Variants in GPC5 observed in about 807,000 individuals in gnomAD.
GPC5 encodes the protein glypican-5.
In GPC5, 47 loss-of-function variants were observed where a neutral mutation model predicts 53.9. The observed-to-expected ratio is 0.87, with a 90% confidence interval of 0.69 to 1.11. GPC5 has a LOEUF of 1.11. Ranked by LOEUF, GPC5 falls within the 50% of genes most tolerant of loss-of-function variation. The probability of loss-of-function intolerance (pLI) is 0.00; values close to 1 mark genes in which losing one functional copy is unlikely to be tolerated. For synonymous variants in GPC5, 286 were observed against 263.3 expected (o/e 1.09, Z -0.84); for missense variants, 748 against 713.1 (o/e 1.05, Z -0.56).
intron 6 of GPC5, among the ~76,000 whole-genome samples, chr13:91,916,415 A>G (rs1239171658): frequency 6.6e-6 from 1 of 152,236 alleles, no homozygotes; most frequent in Non-Finnish European, 1.5e-5. Flanking sequence ...TGACTATATA[A>G]ATAAAATGAG....
intron 7 of GPC5, among the ~76,000 whole-genome samples, chr13:92,321,520 C>A (rs553993845): frequency 6.6e-6 from 1 of 152,288 alleles, no homozygotes; most frequent in Admixed American, 6.5e-5. Context: ...AGAAGAATCA[C>A]TTGAACCAGG....
chr13:92,767,966 G>A (rs1179803335), intron 7 of GPC5, among the ~76,000 whole-genome samples: 1 of 152,078 alleles, frequency 6.6e-6, no homozygotes, highest in African/African-American at 2.4e-5. Flanking sequence ...AATTGTGCCT[G>A]ACTAGATTTG....
At chr13:91,750,962 G>A (rs1854019) in intron 4 of GPC5, among the ~76,000 whole-genome samples, 66,908 of 123,554 alleles carry the variant, frequency 0.54, 15,253 homozygotes, top group South Asian at 0.7. Context: ...GCGCCTGGCC[G>A]GTAAGTCTTT....
chr13:91,598,089 T>C (rs1294666128), intron 2 of GPC5, among the ~76,000 whole-genome samples: 3 of 152,182 alleles, frequency 2.0e-5, no homozygotes, highest in Non-Finnish European at 4.4e-5. Flanking sequence ...TTTACATTTC[T>C]GAACTATTTT....
intron 7 of GPC5, among the ~76,000 whole-genome samples, chr13:92,385,723 A>G (rs1398294391): frequency 1.5e-4 from 21 of 144,136 alleles, no homozygotes; most frequent in Admixed American, 9.3e-4. Flanking sequence ...ATATATACAT[A>G]TATACATGTA....
chr13:91,960,902 T>A (rs2040120000), intron 6 of GPC5, among the ~76,000 whole-genome samples: 1 of 151,728 alleles, frequency 6.6e-6, no homozygotes, highest in Admixed American at 6.6e-5. Flanking sequence ...TATACAAAAA[T>A]CAATTTAAGA....
chr13:91,676,963 A>G (rs1690475032), intron 2 of GPC5, among the ~76,000 whole-genome samples: 1 of 152,234 alleles, frequency 6.6e-6, no homozygotes, highest in African/African-American at 2.4e-5. Context: ...ACTTCACTAT[A>G]TATGGATAGG....
intron 7 of GPC5, among the ~76,000 whole-genome samples, chr13:92,236,918 C>T (rs972024448): frequency 5.9e-5 from 9 of 152,014 alleles, no homozygotes; most frequent in African/African-American, 1.9e-4. Flanking sequence ...ATTGACCTTG[C>T]ACTGTTTGGT....
intron 2 of GPC5, among the ~76,000 whole-genome samples, chr13:91,609,156 A>C (rs906540584): frequency 1.3e-5 from 2 of 150,804 alleles, no homozygotes; most frequent in African/African-American, 4.9e-5. Context: ...TGCAAATTCC[A>C]GTTAACAGCA....
chr13:91,591,853 G>A (rs2032812040), intron 2 of GPC5, among the ~76,000 whole-genome samples: 1 of 152,178 alleles, frequency 6.6e-6, no homozygotes, highest in Non-Finnish European at 1.5e-5. Context: ...ACTGGATTCT[G>A]TGGATTCCTT....
At chr13:92,699,758 T>A (rs1463838082) in intron 7 of GPC5, among the ~76,000 whole-genome samples, 1 of 152,212 alleles carries the variant, frequency 6.6e-6, no homozygotes, top group Non-Finnish European at 1.5e-5. Flanking sequence ...TTCTTAATCC[T>A]GAGTTCTAAT....
intron 2 of GPC5, among the ~76,000 whole-genome samples, chr13:91,476,483 A>C (rs1882936366): frequency 6.6e-6 from 1 of 152,244 alleles, no homozygotes; most frequent in Non-Finnish European, 1.5e-5. Flanking sequence ...ACATAAATAA[A>C]GTCAAAATCT....
intron 2 of GPC5, among the ~76,000 whole-genome samples, chr13:91,493,925 G>C (rs1251979214): frequency 6.6e-6 from 1 of 151,994 alleles, no homozygotes; most frequent in Non-Finnish European, 1.5e-5. Flanking sequence ...CCAGGCTGGA[G>C]TACAGTAGCA....
chr13:92,327,757 TTTCAGTATGA>T (rs1339969102), intron 7 of GPC5, among the ~76,000 whole-genome samples: 1 of 152,098 alleles, frequency 6.6e-6, no homozygotes, highest in Non-Finnish European at 1.5e-5. Flanking sequence ...AATCAAAACT[TTTCAGTATGA>T]TTCTCAAAGA....
chr13:91,454,164 G>A (rs952983483), intron 2 of GPC5, among the ~76,000 whole-genome samples: 1 of 151,848 alleles, frequency 6.6e-6, no homozygotes. Flanking sequence ...CTTTTGAATC[G>A]GCGTCAACAG....
At chr13:92,757,341 T>TAA (rs1874928697) in intron 7 of GPC5, among the ~76,000 whole-genome samples, 1 of 152,152 alleles carries the variant, frequency 6.6e-6, no homozygotes, top group Non-Finnish European at 1.5e-5. Flanking sequence ...CAAGATGGAT[T>TAA]AAAGACTTAA....
chr13:91,415,060 C>G (rs1389564007), intron 1 of GPC5, among the ~76,000 whole-genome samples: 1 of 152,140 alleles, frequency 6.6e-6, no homozygotes, highest in East Asian at 1.9e-4. Flanking sequence ...TGTTTCCTAC[C>G]TTGCCTCCCT....
chr13:92,450,290 T>C (rs138400086), intron 7 of GPC5, among the ~76,000 whole-genome samples: 5 of 152,308 alleles, frequency 3.3e-5, no homozygotes, highest in Non-Finnish European at 5.9e-5. Flanking sequence ...ATATGTTAGA[T>C]TGATGCAGAT....
chr13:92,656,562 C>T (rs1192849394), intron 7 of GPC5, among the ~76,000 whole-genome samples: 3 of 152,184 alleles, frequency 2.0e-5, no homozygotes, highest in Non-Finnish European at 2.9e-5. Context: ...CTGTTATTTA[C>T]ATTCAAGTTA....
Sources: allele counts gnomAD v4.1 joint callset (sites outside exome capture counted in the v4.1 genomes callset), GRCh38; gene constraint gnomAD v4.1.1; transcripts MANE v1.5; gene names NCBI Gene and HGNC (gene_info 2026-07-23, HGNC 2026-07-21).